DAB1: variants seen among roughly 807,000 people sequenced by gnomAD.
The protein encoded by DAB1 is disabled homolog 1.
Under a neutral mutation model 64.6 loss-of-function variants are expected in DAB1, and 15 were observed. The ratio of observed to expected loss-of-function variants is 0.23; its 90% CI spans 0.16 to 0.36. The LOEUF is 0.36. DAB1 is among the 10% of genes least tolerant of loss of function. The pLI is 1.00. For missense variants in DAB1, 596 were observed against 706.7 expected, an observed-to-expected ratio of 0.84 and a Z score of 1.78; for synonymous variants, 235 against 251.9, an observed-to-expected ratio of 0.93 and a Z score of 0.64.
chr1:57,413,534 G>A (rs1684268586), intron 1 of DAB1, among the ~76,000 whole-genome samples: 1 of 152,034 alleles, frequency 6.6e-6, no homozygotes, highest in Non-Finnish European at 1.5e-5. Context: ...GAGGTCAGGA[G>A]ATCGAGACCA....
intron 4 of DAB1, among the ~76,000 whole-genome samples, chr1:58,240,300 T>C (rs1479137291): frequency 6.6e-6 from 1 of 152,248 alleles, no homozygotes; most frequent in Non-Finnish European, 1.5e-5. Context: ...CAACTTCTGA[T>C]CATATCCTTA....
intron 2 of DAB1, among the ~76,000 whole-genome samples, chr1:57,282,182 CAAAAAAAAA>C (rs61512431): frequency 1.1e-5 from 1 of 92,768 alleles, no homozygotes; most frequent in African/African-American, 4.4e-5. Context: ...GCCTTCTTCT[CAAAAAAAAA>C]AAAAAAAAAA....
chr1:57,434,890 A>G (rs1390479138), intron 7 of DAB1, among the ~76,000 whole-genome samples: 2 of 152,290 alleles, frequency 1.3e-5, no homozygotes, highest in African/African-American at 2.4e-5. Context: ...AGATTTTAGG[A>G]CTGGAAATTG....
At position 58,106,197 on chromosome 1, in the gene DAB1, A is replaced by G. The variant is rs145164360; in HGVS notation, n.387+44314T>C. Among the ~76,000 whole-genome samples, 213 of 148,182 alleles carry G rather than the reference A, an allele frequency of 1.4e-3. 1 individual carries two copies. Among genetic ancestry groups the G allele is most frequent in the African/African-American group, 5.2e-3 (208 of 39,958 alleles). On this transcript the variant is annotated intron_variant and non_coding_transcript_variant, in intron 5 of 20. Transcript: ENST00000485760. ...TCCTCTTTCTCTCTCTCTTTCATAGAAACTGAGTCTCGCTCTGTTGCCCAG... is the reference window on the plus strand; with the variant it reads ...TCCTCTTTCTCTCTCTCTTTCATAGGAACTGAGTCTCGCTCTGTTGCCCAG...
At chr1:57,469,040 A>G (rs542351852) in intron 7 of DAB1, among the ~76,000 whole-genome samples, 169 of 152,318 alleles carry the variant, frequency 1.1e-3, no homozygotes, top group African/African-American at 3.7e-3. Flanking sequence ...AAAGTTGAAG[A>G]TGAAGAACTC....
intron 5 of DAB1, among the ~76,000 whole-genome samples, chr1:57,899,696 GAA>G (rs531339452): frequency 4.8e-5 from 7 of 145,660 alleles, no homozygotes; most frequent in African/African-American, 1.7e-4. Flanking sequence ...GTGAATGGTA[GAA>G]AAAAAAAAAG....
rs546500662 is a variant in DAB1, at chr1:57,160,905, A to G, written c.68-15476T>C. 2.0e-5 allele frequency among the ~76,000 whole-genome samples: 3 copies of G among 152,262 alleles called. No individual in the cohort carries two copies. The South Asian group carries it at 6.2e-4, about 32-fold the overall frequency. On this transcript the variant is annotated intron_variant, in intron 2 of 14. Transcript: ENST00000371236. Reference sequence around the variant, plus strand: ...GGCTGGGTATAAACACCCAGGCCCCATGTCTCAGTTTGAGACAATCCTGAA... The same window carrying G: ...GGCTGGGTATAAACACCCAGGCCCCGTGTCTCAGTTTGAGACAATCCTGAA...
chr1:57,832,301 G>A (rs1652623902), intron 1 of DAB1, among the ~76,000 whole-genome samples: 1 of 152,156 alleles, frequency 6.6e-6, no homozygotes, highest in Non-Finnish European at 1.5e-5. Flanking sequence ...TCTCTTCCAA[G>A]CTTTAAAACC....
chr1:57,036,664 T>C (rs113378035), intron 9 of DAB1, among the ~76,000 whole-genome samples: 14 of 152,214 alleles, frequency 9.2e-5, no homozygotes, highest in African/African-American at 2.9e-4. Flanking sequence ...TATCATAGCA[T>C]GTACACAGTT....
rs564933269 is a variant in DAB1, at chr1:56,998,845, G to A, written c.*16-717C>T. On this transcript the variant is annotated intron_variant, in intron 14 of 14. Transcript: ENST00000371236. Reference sequence around the variant, plus strand: ...GGATTTTCAACCAGCATGTAATGCAGCAAACCTGCAATCCACACCTAGATA... The same window carrying A: ...GGATTTTCAACCAGCATGTAATGCAACAAACCTGCAATCCACACCTAGATA... 8.5e-5 allele frequency among the ~76,000 whole-genome samples: 13 copies of A among 152,284 alleles called. No individual in the cohort carries two copies. In the South Asian group the frequency reaches 2.5e-3, roughly 29 times the overall value.
intron 1 of DAB1, among the ~76,000 whole-genome samples, chr1:57,861,258 A>G (rs556351419): frequency 2.0e-5 from 3 of 152,326 alleles, no homozygotes; most frequent in Admixed American, 2.0e-4. Context: ...TTGCTATAAC[A>G]AAGTACCATA....
At chr1:57,876,849 G>T (rs1349175591) in intron 1 of DAB1, 1 of 152,048 alleles carries the variant, frequency 6.6e-6, no homozygotes, top group Non-Finnish European at 1.5e-5. Flanking sequence ...GCAGGTGAAG[G>T]TCACAGGGAG....
At chr1:57,094,418 T>G (rs1322369037) in intron 4 of DAB1, among the ~76,000 whole-genome samples, 2 of 152,186 alleles carry the variant, frequency 1.3e-5, no homozygotes, top group African/African-American at 4.8e-5. Context: ...ATTCCTTTTT[T>G]GCTTTCCCTT....
At chr1:58,525,552 C>T (rs1181921732) in intron 2 of DAB1, among the ~76,000 whole-genome samples, 2 of 151,804 alleles carry the variant, frequency 1.3e-5, no homozygotes, top group African/African-American at 4.8e-5. Flanking sequence ...TTCAAAACAT[C>T]GAGAAAAATT....
At chr1:58,407,965 A>G (rs997726657) in intron 3 of DAB1, among the ~76,000 whole-genome samples, 5 of 151,982 alleles carry the variant, frequency 3.3e-5, no homozygotes, top group African/African-American at 1.2e-4. Context: ...GGTTCCTACT[A>G]CTTGCCTCCT....
intron 6 of DAB1, among the ~76,000 whole-genome samples, chr1:57,657,916 C>T (rs1013164307): frequency 5.9e-5 from 9 of 152,204 alleles, no homozygotes; most frequent in African/African-American, 1.9e-4. Context: ...AAATCTTCGA[C>T]CCCTAGTAGC....
chr1:58,075,415 C>T (rs1347978425), intron 5 of DAB1, among the ~76,000 whole-genome samples: 2 of 152,076 alleles, frequency 1.3e-5, no homozygotes, highest in Non-Finnish European at 2.9e-5. Context: ...AGGTTTAGAG[C>T]CAGTGCACAG....
At chr1:58,228,722 C>T in intron 4 of DAB1, 1 of 1,126,212 alleles carries the variant, frequency 8.9e-7, no homozygotes, top group East Asian at 3.6e-5. Context: ...CTTGGACCTT[C>T]TGGAAACTGA....
intron 4 of DAB1, among the ~76,000 whole-genome samples, chr1:58,226,360 T>C (rs941357553): frequency 1.3e-4 from 19 of 151,794 alleles, no homozygotes; most frequent in African/African-American, 4.6e-4. Flanking sequence ...TTTCAGCCCT[T>C]AAAGGTAGAC....
Sources: gnomAD v4.1 joint callset for allele counts (sites outside exome capture counted in the v4.1 genomes callset) on GRCh38, gnomAD v4.1.1 for gene constraint, MANE v1.5 for transcripts, NCBI Gene and HGNC (gene_info 2026-07-23, HGNC 2026-07-21) for gene names.